DOCK4: variants seen among roughly 807,000 people sequenced by gnomAD.
The protein encoded by DOCK4 is dedicator of cytokinesis 4, also known as dedicator of cytokinesis protein 4.
In DOCK4, 97 loss-of-function variants were observed where a neutral mutation model predicts 268.1. The ratio of observed to expected loss-of-function variants is 0.36; its 90% CI spans 0.31 to 0.43. DOCK4 has a LOEUF of 0.43. Ranked by LOEUF, DOCK4 falls within the 20% of genes least tolerant of loss-of-function variation. DOCK4 has a pLI of 1.00. For synonymous variants in DOCK4, 954 were observed against 887.2 expected (o/e 1.08, Z -1.34); for missense variants, 2,145 against 2,455.7 (o/e 0.87, Z 2.67).
At chr7:111,928,402 T>A (rs1793907312) in intron 12 of DOCK4, among the ~76,000 whole-genome samples, 1 of 152,176 alleles carries the variant, frequency 6.6e-6, no homozygotes, top group East Asian at 1.9e-4. Flanking sequence ...ACTACTTCCA[T>A]TCACATCATT....
chr7:111,838,382 T>G (rs887361964), intron 25 of DOCK4, among the ~76,000 whole-genome samples: 3 of 151,990 alleles, frequency 2.0e-5, no homozygotes, highest in African/African-American at 7.2e-5. Flanking sequence ...TGGAACACAA[T>G]AGCCAAACCC....
At chr7:111,922,363 C>G (rs867918220) in intron 12 of DOCK4, among the ~76,000 whole-genome samples, 2 of 152,042 alleles carry the variant, frequency 1.3e-5, no homozygotes, top group Middle Eastern at 3.4e-3. Context: ...CATACTATTT[C>G]TATTCTTTAA....
At chr7:112,131,936 G>A (rs1813843469) in intron 1 of DOCK4, among the ~76,000 whole-genome samples, 1 of 152,130 alleles carries the variant, frequency 6.6e-6, no homozygotes, top group Non-Finnish European at 1.5e-5. Flanking sequence ...AATATGCAGG[G>A]TCTGGAGGCA....
chr7:111,843,524 A>T (rs762126750), intron 25 of DOCK4, among the ~76,000 whole-genome samples: 18 of 152,196 alleles, frequency 1.2e-4, no homozygotes, highest in Non-Finnish European at 2.1e-4. Context: ...ATAAGATATC[A>T]CTACATAGCT....
chr7:112,103,608 G>T (rs904835189), intron 1 of DOCK4, among the ~76,000 whole-genome samples: 2 of 152,188 alleles, frequency 1.3e-5, no homozygotes, highest in Non-Finnish European at 2.9e-5. Flanking sequence ...CAGTCTGGGC[G>T]CAGTGGCTCA....
intron 1 of DOCK4, among the ~76,000 whole-genome samples, chr7:112,021,857 G>A (rs894235763): frequency 1.3e-5 from 2 of 152,082 alleles, no homozygotes; most frequent in African/African-American, 4.8e-5. Context: ...TAGTTTACAT[G>A]AGCCAGCTGA....
Position 111,735,087 on chromosome 7 carries a change from A to G in DOCK4, c.5386T>C (p.Ser1796Pro). 6.3e-7 allele frequency: 1 copy of G among 1,599,538 alleles called. No homozygotes were observed. Among genetic ancestry groups the G allele is most frequent in the Non-Finnish European group, 8.5e-7 (1 of 1,172,882 alleles). Residue 1796 changes from serine to proline, a missense_variant, in exon 51 of 53, where the codon TCT becomes CCT. Coordinates refer to ENST00000428084, the MANE Select transcript of DOCK4 (RefSeq NM_001363540.2). ...KNMSDSGKLI[S>P]PPVPPRPTQT... is the part of the protein sequence containing the mutation. ...GTGGGTCTTGGAGGGACAGGGGGAG[A>G]GATAAGTTTCCCACTATCCGACATG...
intron 1 of DOCK4, among the ~76,000 whole-genome samples, chr7:112,148,129 A>G (rs1205233189): frequency 3.3e-5 from 5 of 152,102 alleles, no homozygotes; most frequent in Middle Eastern, 3.4e-3. Flanking sequence ...ATTGTCCTGG[A>G]AAGACAGAAA....
At chr7:112,006,721 C>T (rs1800894966) in intron 1 of DOCK4, among the ~76,000 whole-genome samples, 1 of 152,188 alleles carries the variant, frequency 6.6e-6, no homozygotes, top group Non-Finnish European at 1.5e-5. Flanking sequence ...TGGCATAGTA[C>T]TTACCAAAGA....
intron 1 of DOCK4, among the ~76,000 whole-genome samples, chr7:112,018,033 CA>C (rs1335213125): frequency 6.7e-6 from 1 of 149,498 alleles, no homozygotes. Context: ...AAAAAAAATA[CA>C]AAAAATTAGC....
chr7:111,926,080 C>CGA (rs1793606202), intron 12 of DOCK4, among the ~76,000 whole-genome samples: 1 of 104,058 alleles, frequency 9.6e-6, no homozygotes, highest in Admixed American at 1.1e-4. Context: ...GGCGACAGAG[C>CGA]GAGACAAAGA....
At chr7:112,057,338 C>A (rs746680715) in intron 1 of DOCK4, among the ~76,000 whole-genome samples, 2 of 151,972 alleles carry the variant, frequency 1.3e-5, no homozygotes, top group African/African-American at 2.4e-5. Context: ...ATCAACTGAG[C>A]TCAGGAGTTT....
intron 1 of DOCK4, among the ~76,000 whole-genome samples, chr7:112,056,714 C>T (rs181004766): frequency 8.5e-5 from 13 of 152,184 alleles, no homozygotes; most frequent in African/African-American, 3.1e-4. Flanking sequence ...GGAAAGAAAA[C>T]GTGGATTAAA....
intron 1 of DOCK4, among the ~76,000 whole-genome samples, chr7:112,055,384 C>G (rs78551336): frequency 0.036 from 5,403 of 152,142 alleles, 307 homozygotes; most frequent in African/African-American, 0.12. Context: ...AGATGGAGAC[C>G]CTGTAGATAC....
intron 1 of DOCK4, among the ~76,000 whole-genome samples, chr7:112,048,388 A>AC (rs1171904564): frequency 9.2e-5 from 11 of 119,346 alleles, no homozygotes; most frequent in East Asian, 2.5e-4. Flanking sequence ...TACTAAAAAT[A>AC]CAAAAAAAAA....
chr7:111,793,706 T>C (rs1429861207), intron 30 of DOCK4, among the ~76,000 whole-genome samples: 3 of 152,114 alleles, frequency 2.0e-5, no homozygotes, highest in Non-Finnish European at 2.9e-5. Context: ...TGCTAAGCTA[T>C]AAATCTAGTA....
intron 1 of DOCK4, among the ~76,000 whole-genome samples, chr7:112,132,623 A>G (rs1813912694): frequency 6.6e-6 from 1 of 150,464 alleles, no homozygotes; most frequent in South Asian, 2.2e-4. Flanking sequence ...TTAATAGAAA[A>G]AAGGGGCGGG....
At chr7:112,039,917 T>C (rs1250875199) in intron 1 of DOCK4, among the ~76,000 whole-genome samples, 3 of 152,174 alleles carry the variant, frequency 2.0e-5, no homozygotes, top group East Asian at 3.9e-4. Context: ...AGTTAGCATT[T>C]AAGTTTTCAG....
intron 25 of DOCK4, among the ~76,000 whole-genome samples, chr7:111,839,749 G>A (rs781434675): frequency 1.1e-4 from 17 of 152,122 alleles, no homozygotes; most frequent in Non-Finnish European, 2.4e-4. Flanking sequence ...AGGCCTAGAT[G>A]TCCAATTACT....
Sources: allele counts gnomAD v4.1 joint callset (sites outside exome capture counted in the v4.1 genomes callset), GRCh38; gene constraint gnomAD v4.1.1; transcripts MANE v1.5; gene names NCBI Gene and HGNC (gene_info 2026-07-23, HGNC 2026-07-21).